OPCML: variants seen among roughly 807,000 people sequenced by gnomAD.
The protein encoded by OPCML is opioid binding protein/cell adhesion molecule like.
In OPCML, 13 loss-of-function variants were observed where a neutral mutation model predicts 37.8. That is an observed-to-expected ratio of 0.34 (90% confidence interval 0.22 to 0.55). The LOEUF (loss-of-function observed/expected upper bound fraction) is 0.55, where lower values mean the gene tolerates loss of function less well. Among genes scored for constraint, OPCML ranks in the 20% least tolerant of loss-of-function variants. OPCML has a pLI of 0.91. For synonymous variants in OPCML, 176 were observed against 168.8 expected, an observed-to-expected ratio of 1.04 and a Z score of -0.33; for missense variants, 341 against 435.6, an observed-to-expected ratio of 0.78 and a Z score of 1.93.
intron 2 of OPCML, among the ~76,000 whole-genome samples, chr11:132,805,456 C>G (rs1176100761): frequency 2.0e-5 from 3 of 152,098 alleles, no homozygotes; most frequent in Admixed American, 1.3e-4. Context: ...AGAAGTCCAG[C>G]AAACATGAAA....
chr11:132,608,914 T>G (rs2137828941), intron 3 of OPCML, among the ~76,000 whole-genome samples: 1 of 152,222 alleles, frequency 6.6e-6, no homozygotes, highest in African/African-American at 2.4e-5. Flanking sequence ...CCAATATATC[T>G]GAGATATTTT....
chr11:132,799,705 A>G (rs915209360), intron 2 of OPCML, among the ~76,000 whole-genome samples: 9 of 151,938 alleles, frequency 5.9e-5, no homozygotes, highest in African/African-American at 1.9e-4. Flanking sequence ...GGCTTGCTCA[A>G]TGCAGGGTTG....
At chr11:133,022,721 A>G (rs200348195) in intron 1 of OPCML, among the ~76,000 whole-genome samples, 2 of 152,286 alleles carry the variant, frequency 1.3e-5, no homozygotes, top group East Asian at 3.9e-4. Context: ...CCATGGAAAA[A>G]TATCATCCGT....
intron 2 of OPCML, among the ~76,000 whole-genome samples, chr11:132,727,093 C>T (rs893615557): frequency 6.6e-6 from 1 of 152,136 alleles, no homozygotes; most frequent in Non-Finnish European, 1.5e-5. Context: ...CTCACTTGTG[C>T]CAGACACTGT....
chr11:133,213,633 T>C (rs1939466178), intron 1 of OPCML, among the ~76,000 whole-genome samples: 1 of 152,216 alleles, frequency 6.6e-6, no homozygotes, highest in South Asian at 2.1e-4. Context: ...AAAAACTCCT[T>C]ACTGACTAGT....
At position 133,226,881 on chromosome 11, in the gene OPCML, G is replaced by C. The variant is rs146931043; in HGVS notation, c.62-283871C>G. Among the ~76,000 whole-genome samples the C allele has an allele frequency of 4.3e-3, 654 of 152,290 alleles. 5 individuals carry two copies. The highest frequency in any genetic ancestry group is 0.013 in the African/African-American group (540 of 41,560). On this transcript the variant is annotated intron_variant, in intron 1 of 7. Transcript: ENST00000524381. ...CACGTCCACCCAGCACCCTGAGAGAGAGTCCCTTGGCACCCACTCATAGAC... is the reference window on the plus strand; with the variant it reads ...CACGTCCACCCAGCACCCTGAGAGACAGTCCCTTGGCACCCACTCATAGAC...
intron 1 of OPCML, among the ~76,000 whole-genome samples, chr11:133,413,746 C>A (rs1331296348): frequency 6.6e-6 from 1 of 152,140 alleles, no homozygotes; most frequent in African/African-American, 2.4e-5. Flanking sequence ...CTTTATGCTC[C>A]TAGAACTGTG....
At chr11:133,214,097 TTAAAA>T (rs1276733139) in intron 1 of OPCML, among the ~76,000 whole-genome samples, 11 of 152,108 alleles carry the variant, frequency 7.2e-5, no homozygotes, top group African/African-American at 2.7e-4. Flanking sequence ...CACTTTTCCC[TTAAAA>T]TAATAATAAT....
chr11:133,428,069 C>T (rs1238716334), intron 1 of OPCML, among the ~76,000 whole-genome samples: 1 of 152,090 alleles, frequency 6.6e-6, no homozygotes, highest in Non-Finnish European at 1.5e-5. Flanking sequence ...CTCATTGAAA[C>T]ATTAATAAAT....
intron 1 of OPCML, among the ~76,000 whole-genome samples, chr11:133,334,336 T>G (rs1410409447): frequency 6.6e-6 from 1 of 152,206 alleles, no homozygotes; most frequent in Non-Finnish European, 1.5e-5. Flanking sequence ...CAAGATCATG[T>G]CTTTTGCAGG....
intron 2 of OPCML, among the ~76,000 whole-genome samples, chr11:132,665,393 T>A (rs1942174703): frequency 6.6e-6 from 1 of 152,150 alleles, no homozygotes; most frequent in Non-Finnish European, 1.5e-5. Context: ...TCTACCTGAA[T>A]GCAGAAAGCA....
chr11:132,939,927 A>C (rs1945522123), intron 2 of OPCML, among the ~76,000 whole-genome samples: 1 of 152,234 alleles, frequency 6.6e-6, no homozygotes, highest in Admixed American at 6.5e-5. Context: ...GCTATAATTC[A>C]ACCATAGTGA....
chr11:132,638,186 T>TATATATAGAGAGAGAG (rs71067383), intron 3 of OPCML, among the ~76,000 whole-genome samples: 1 of 131,018 alleles, frequency 7.6e-6, no homozygotes, highest in African/African-American at 2.8e-5. Flanking sequence ...TATATATATA[T>TATATATAGAGAGAGAG]ACAGAGAGAG....
chr11:132,907,913 G>A (rs55820767), intron 2 of OPCML, among the ~76,000 whole-genome samples: 2 of 152,178 alleles, frequency 1.3e-5, no homozygotes, highest in Non-Finnish European at 2.9e-5. Flanking sequence ...TCTCACAGCT[G>A]GCAAATCTGC....
At chr11:132,800,221 T>C (rs571848354) in intron 2 of OPCML, among the ~76,000 whole-genome samples, 6 of 152,328 alleles carry the variant, frequency 3.9e-5, no homozygotes, top group East Asian at 1.9e-4. Flanking sequence ...GGATTGCTCA[T>C]TGCAATTGCT....
chr11:133,519,428 C>T (rs1340497457), intron 1 of OPCML, among the ~76,000 whole-genome samples: 2 of 152,146 alleles, frequency 1.3e-5, no homozygotes, highest in African/African-American at 2.4e-5. Context: ...GGGAGAGACA[C>T]AACAGAAGGA....
At chr11:132,584,976 G>A (rs1284663007) in intron 3 of OPCML, among the ~76,000 whole-genome samples, 5 of 152,192 alleles carry the variant, frequency 3.3e-5, no homozygotes, top group African/African-American at 1.2e-4. Flanking sequence ...GACTGGCCCA[G>A]CCTTCATAGG....
chr11:132,700,207 T>C (rs1200211234), intron 2 of OPCML, among the ~76,000 whole-genome samples: 1 of 152,024 alleles, frequency 6.6e-6, no homozygotes, highest in Non-Finnish European at 1.5e-5. Flanking sequence ...TTTCTTAGTC[T>C]AGCTAAAGGT....
At chr11:132,927,899 C>A (rs1049848948) in intron 2 of OPCML, among the ~76,000 whole-genome samples, 7 of 151,966 alleles carry the variant, frequency 4.6e-5, no homozygotes, top group East Asian at 1.9e-4. Context: ...GTTTTTCTAA[C>A]CTTAGGATAT....
Sources: allele counts gnomAD v4.1 joint callset (sites outside exome capture counted in the v4.1 genomes callset), GRCh38; gene constraint gnomAD v4.1.1; transcripts MANE v1.5; gene names NCBI Gene and HGNC (gene_info 2026-07-23, HGNC 2026-07-21).